Variants in ZDHHC13 observed in about 807,000 individuals in gnomAD.
ZDHHC13 encodes the protein zDHHC palmitoyltransferase 13, also known as palmitoyltransferase ZDHHC13.
In ZDHHC13, 85 loss-of-function variants were observed where a neutral mutation model predicts 86.0. That is an observed-to-expected ratio of 0.99 (90% confidence interval 0.83 to 1.18). The LOEUF (loss-of-function observed/expected upper bound fraction) is 1.18, where lower values mean the gene tolerates loss of function less well. Among genes scored for constraint, ZDHHC13 ranks in the 50% most tolerant of loss-of-function variants. ZDHHC13 has a pLI of 0.00. For missense variants in ZDHHC13, 711 were observed against 730.2 expected (o/e 0.97, Z 0.30); for synonymous variants, 263 against 246.4 (o/e 1.07, Z -0.63).
At chr11:19,157,912 C>T (rs1237922334) in intron 9 of ZDHHC13, among the ~76,000 whole-genome samples, 1 of 152,140 alleles carries the variant, frequency 6.6e-6, no homozygotes, top group Admixed American at 6.5e-5. Flanking sequence ...TATTACAGGG[C>T]AGTTGCTTAT....
Position 19,149,254 on chromosome 11 carries a change from GAGGGAT to G in ZDHHC13, c.443_448del (p.Glu148_Phe150delinsVal), listed in dbSNP as rs752974428. On this transcript the variant is annotated inframe_deletion, in exon 5 of 17. Transcript: ENST00000446113. Reference sequence around the variant, plus strand: ...TGCAGACCCCACTCTTATTGATGGAGAGGGATTCAGCAGCATCCACCTGGCAGTATT... The same window carrying G: ...TGCAGACCCCACTCTTATTGATGGAGTCAGCAGCATCCACCTGGCAGTATT... The G allele has an allele frequency of 2.5e-6, 4 of 1,606,268 alleles. No homozygotes were observed. In the African/African-American group the frequency reaches 5.3e-5, roughly 21 times the overall value.
At chr11:19,136,168 A>C (rs1849133149) in intron 1 of ZDHHC13, among the ~76,000 whole-genome samples, 1 of 152,180 alleles carries the variant, frequency 6.6e-6, no homozygotes, top group Non-Finnish European at 1.5e-5. Flanking sequence ...GAAGTTGAAA[A>C]CTTTGAAAAA....
intron 1 of ZDHHC13, chr11:19,118,706 G>C (rs1299829855): frequency 1.3e-5 from 2 of 152,192 alleles, no homozygotes; most frequent in Non-Finnish European, 2.9e-5. Flanking sequence ...AATAATAATT[G>C]CTCTTGTTCA....
intron 14 of ZDHHC13, chr11:19,169,097 A>G: frequency 1.0e-5 from 10 of 985,496 alleles, no homozygotes; most frequent in Non-Finnish European, 1.2e-5. Flanking sequence ...TCTGAAAACC[A>G]GTATTCTGAA....
chr11:19,172,317 C>T (rs573388148), intron 15 of ZDHHC13, among the ~76,000 whole-genome samples: 10 of 152,200 alleles, frequency 6.6e-5, no homozygotes, highest in Middle Eastern at 3.4e-3. Flanking sequence ...GTGATCCACC[C>T]GCCTCGGCCT....
At chr11:19,121,667 C>T (rs544392153) in intron 1 of ZDHHC13, among the ~76,000 whole-genome samples, 1 of 152,262 alleles carries the variant, frequency 6.6e-6, no homozygotes, top group South Asian at 2.1e-4. Context: ...TTGTAGGCAG[C>T]CATGTAGCAG....
intron 1 of ZDHHC13, among the ~76,000 whole-genome samples, chr11:19,125,271 C>G (rs1848849431): frequency 6.6e-6 from 1 of 152,082 alleles, no homozygotes; most frequent in Non-Finnish European, 1.5e-5. Context: ...ACTCTCAAAA[C>G]TTAACAGTAA....
At chr11:19,173,940 T>C (rs544581349) in intron 16 of ZDHHC13, among the ~76,000 whole-genome samples, 3 of 152,254 alleles carry the variant, frequency 2.0e-5, no homozygotes, top group South Asian at 4.1e-4. Context: ...GATGGCAGCA[T>C]CAACTAGAGG....
intron 14 of ZDHHC13, chr11:19,167,858 G>A (rs1850114303): frequency 6.6e-6 from 1 of 152,174 alleles, no homozygotes; most frequent in Non-Finnish European, 1.5e-5. Context: ...CTGTCGCCCA[G>A]ACTGGAATGC....
At position 19,120,673 on chromosome 11, in the gene ZDHHC13, T is replaced by G. The variant is rs150648025; in HGVS notation, c.27+3397T>G. 2.1e-4 allele frequency among the ~76,000 whole-genome samples: 32 copies of G among 152,362 alleles called. No homozygotes were observed. In the East Asian group the frequency reaches 6.2e-3, roughly 29 times the overall value. ...CTGTTAGATAATTTTCATAATATCT[T>G]GTTCTGCTTTTCACTCTTCTGTGGA... On this transcript the variant is annotated intron_variant, in intron 1 of 16. Coordinates refer to ENST00000446113, the MANE Select transcript of ZDHHC13 (RefSeq NM_019028.3).
intron 1 of ZDHHC13, among the ~76,000 whole-genome samples, chr11:19,137,496 T>A (rs1010150437): frequency 6.6e-6 from 1 of 151,334 alleles, no homozygotes; most frequent in Admixed American, 6.6e-5. Flanking sequence ...CTGTCAACAT[T>A]AGACAGATCA....
At chr11:19,151,689 A>C (rs971513429) in intron 6 of ZDHHC13, among the ~76,000 whole-genome samples, 4 of 152,090 alleles carry the variant, frequency 2.6e-5, no homozygotes, top group African/African-American at 9.6e-5. Flanking sequence ...TCTAGTCCGT[A>C]ACTTTCTAAG....
chr11:19,135,218 C>T (rs1033064069), intron 1 of ZDHHC13, among the ~76,000 whole-genome samples: 3 of 152,212 alleles, frequency 2.0e-5, no homozygotes, highest in Admixed American at 6.5e-5. Flanking sequence ...GGTGCACGCA[C>T]GGTGTGCGAG....
At position 19,158,964 on chromosome 11, in the gene ZDHHC13, T is replaced by C; in HGVS notation, c.1032T>C (p.Leu344=). ...GGTTCTTGGTTGGGTATAAGAACCT[T>C]GTATACTTACCAACAGCCTTTCTGC... ...FPRFLVGYKN[L]VYLPTAFLLS... The change falls in exon 10 of 17, where the codon CTT becomes CTC. Residue 344 remains leucine, a synonymous_variant. Transcript: ENST00000446113. 1 of 1,548,628 alleles carries C rather than the reference T, an allele frequency of 6.5e-7. No individual in the cohort carries two copies. The highest frequency in any genetic ancestry group is 8.7e-7 in the Non-Finnish European group (1 of 1,145,876).
intron 12 of ZDHHC13, 98 bp downstream of exon 12, chr11:19,164,461 A>C (rs1266036506): frequency 1.7e-6 from 2 of 1,178,628 alleles, no homozygotes; most frequent in South Asian, 1.4e-5. Context: ...ATATTTATAC[A>C]CCTTTGTTTT....
intron 13 of ZDHHC13, among the ~76,000 whole-genome samples, chr11:19,165,530 T>C (rs550623018): frequency 6.6e-6 from 1 of 152,304 alleles, no homozygotes; most frequent in East Asian, 1.9e-4. Context: ...CATGATGTAG[T>C]AGCTGAGGAG....
intron 1 of ZDHHC13, among the ~76,000 whole-genome samples, chr11:19,130,574 A>G (rs1226172975): frequency 2.0e-5 from 3 of 152,034 alleles, no homozygotes; most frequent in Admixed American, 6.6e-5. Flanking sequence ...CTATTTTTAT[A>G]TTCTTCTTCT....
chr11:19,138,858 C>T (rs1361691800), intron 1 of ZDHHC13, among the ~76,000 whole-genome samples: 4 of 152,064 alleles, frequency 2.6e-5, no homozygotes, highest in East Asian at 1.9e-4. Flanking sequence ...TGAGAAAATT[C>T]AACAACCCTT....
chr11:19,149,023 A>C (rs1334506201), intron 4 of ZDHHC13, among the ~76,000 whole-genome samples, 164 bp from the exon 5 acceptor site: 1 of 152,194 alleles, frequency 6.6e-6, no homozygotes, highest in African/African-American at 2.4e-5. Context: ...TGCAGCATCT[A>C]AGTTAAAAAC....
Sources: gnomAD v4.1 joint callset for allele counts (sites outside exome capture counted in the v4.1 genomes callset) on GRCh38, gnomAD v4.1.1 for gene constraint, MANE v1.5 for transcripts, NCBI Gene and HGNC (gene_info 2026-07-23, HGNC 2026-07-21) for gene names.